The following DNAH8 variants were observed in gnomAD, a reference collection of about 807,000 sequenced individuals.
DNAH8 encodes dynein axonemal heavy chain 8, also known as axonemal beta dynein heavy chain 8.
In DNAH8, 382 loss-of-function variants were observed where a neutral mutation model predicts 562.1. The observed-to-expected ratio is 0.68, with a 90% CI of 0.63 to 0.74. DNAH8 has a LOEUF of 0.74. DNAH8 is among the 30% of genes least tolerant of loss of function. The pLI, the probability that DNAH8 is intolerant of heterozygous loss-of-function variation, is 0.00. For missense variants in DNAH8, 5,203 were observed against 5,620.4 expected (o/e 0.93, Z 2.37); for synonymous variants, 1,881 against 1,919.4 (o/e 0.98, Z 0.52).
chr6:38,783,478 A>C (rs905093536), intron 17 of DNAH8, among the ~76,000 whole-genome samples: 2 of 152,158 alleles, frequency 1.3e-5, no homozygotes, highest in Non-Finnish European at 2.9e-5. Flanking sequence ...TCTCAGTCCC[A>C]TTCTGGAGAG....
At chr6:39,001,228 C>T (rs956010384) in intron 88 of DNAH8, among the ~76,000 whole-genome samples, 4 of 151,906 alleles carry the variant, frequency 2.6e-5, no homozygotes, top group African/African-American at 9.7e-5. Flanking sequence ...CCTACTCTAC[C>T]TTCTACATGG....
At chr6:38,955,130 G>A (rs1373011609) in intron 82 of DNAH8, among the ~76,000 whole-genome samples, 2 of 151,928 alleles carry the variant, frequency 1.3e-5, no homozygotes, top group Non-Finnish European at 2.9e-5. Context: ...ACTAATCCTA[G>A]CCACATTTTG....
At chr6:38,902,313 T>C (rs1056949768) in intron 62 of DNAH8, among the ~76,000 whole-genome samples, 7 of 152,030 alleles carry the variant, frequency 4.6e-5, no homozygotes, top group African/African-American at 1.7e-4. Flanking sequence ...GAGTCCTTAC[T>C]CCCAACCACC....
intron 89 of DNAH8, among the ~76,000 whole-genome samples, chr6:39,011,388 C>T (rs998672318): frequency 6.6e-6 from 1 of 152,212 alleles, no homozygotes; most frequent in African/African-American, 2.4e-5. Flanking sequence ...AGTTCTCTCC[C>T]ACTCCATGTG....
chr6:39,028,269 C>G (rs908386717), intron 92 of DNAH8, among the ~76,000 whole-genome samples: 2 of 152,204 alleles, frequency 1.3e-5, no homozygotes, highest in African/African-American at 4.8e-5. Flanking sequence ...GCTGTCATAA[C>G]AAAGTATCAT....
chr6:38,996,892 T>G (rs535091006), intron 88 of DNAH8, among the ~76,000 whole-genome samples: 2 of 152,156 alleles, frequency 1.3e-5, no homozygotes, highest in East Asian at 3.9e-4. Flanking sequence ...TAAGCGAGCT[T>G]CTCCCAAAAT....
In DNAH8 at chr6:38,808,619, T is replaced by C. The variant is rs1771512070; in HGVS notation, c.3257+903T>C. Among the ~76,000 whole-genome samples, 7 of 152,148 alleles carry C rather than the reference T, an allele frequency of 4.6e-5. No individual in the cohort carries two copies. In the South Asian group the frequency reaches 1.5e-3, roughly 32 times the overall value. On this transcript the variant is annotated intron_variant, in intron 24 of 92. Coordinates refer to ENST00000327475, the MANE Select transcript of DNAH8 (RefSeq NM_001206927.2). ...ATACCCAAATAATTATAAATCATTC[T>C]CCAATAAAGACATATGCACACGTAT...
At chr6:38,893,489 G>C (rs1779476423) in intron 58 of DNAH8, among the ~76,000 whole-genome samples, 1 of 152,152 alleles carries the variant, frequency 6.6e-6, no homozygotes, top group Non-Finnish European at 1.5e-5. Flanking sequence ...CTGCCGTCAT[G>C]GCTGGAGTGT....
At chr6:38,988,925 G>T (rs1764591007) in intron 87 of DNAH8, among the ~76,000 whole-genome samples, 1 of 152,110 alleles carries the variant, frequency 6.6e-6, no homozygotes, top group Non-Finnish European at 1.5e-5. Context: ...TTTGTATTGT[G>T]GTTATTAAGT....
chr6:38,867,980 G>A (rs1338283492), intron 47 of DNAH8, 82 bp from the exon 48 acceptor site: 11 of 1,373,468 alleles, frequency 8.0e-6, no homozygotes, highest in Non-Finnish European at 9.9e-6. Flanking sequence ...TATCAGAATC[G>A]ACCTATATGC....
At chr6:38,862,200 A>G in intron 43 of DNAH8, 80 bp from the exon 44 acceptor site, 2 of 1,312,888 alleles carry the variant, frequency 1.5e-6, no homozygotes, top group South Asian at 1.4e-5. Context: ...GCCCATTCCA[A>G]TCACATTGGA....
intron 91 of DNAH8, among the ~76,000 whole-genome samples, chr6:39,015,238 T>C (rs1465905479): frequency 6.6e-6 from 1 of 152,224 alleles, no homozygotes; most frequent in Non-Finnish European, 1.5e-5. Flanking sequence ...TAGTCACGAA[T>C]GCACATAATT....
intron 1 of DNAH8, among the ~76,000 whole-genome samples, chr6:38,715,638 A>C (rs901745571): frequency 2.1e-4 from 32 of 151,916 alleles, no homozygotes; most frequent in African/African-American, 7.3e-4. Context: ...AAGTGACTTC[A>C]CACCCACTCC....
chr6:38,883,206 A>G lies in DNAH8; in HGVS notation c.8002-116A>G, dbSNP rs1778644061. 2.2e-6 allele frequency: 3 copies of G among 1,355,150 alleles called. No individual in the cohort carries two copies. In the South Asian group the frequency reaches 4.8e-5, roughly 22 times the overall value. The allele number at this position is 1,355,150 out of a possible 1,614,324, so 83.9% of individuals were successfully genotyped here. ...TATTTTGATGGTAGATGCAATTCTA[A>G]AAAGTTATTAAAAATTAGTTGTATT... On this transcript the variant is annotated intron_variant, in intron 54 of 92. Transcript: ENST00000327475.
At chr6:38,875,151 C>A (rs1240844664) in intron 52 of DNAH8, among the ~76,000 whole-genome samples, 1 of 152,152 alleles carries the variant, frequency 6.6e-6, no homozygotes, top group Non-Finnish European at 1.5e-5. Context: ...ACTTTATTTA[C>A]CAAACAGGTG....
chr6:38,929,647 A>C lies in DNAH8; in HGVS notation c.11255A>C (p.Lys3752Thr). ...LDNVLEKNFIKSGTTFKVKVG... is the reference protein window; with the variant it reads ...LDNVLEKNFITSGTTFKVKVG... ...AATGTATTAGAAAAGAATTTTATTA[A>C]ATCTGGCACCACTTTCAAGGTGAGC... Residue 3752 changes from lysine to threonine, a missense_variant, in exon 75 of 93, where the codon AAA becomes ACA. Lys to Thr is a moderately conservative substitution (Grantham distance 78). Transcript: ENST00000327475. 2 of 1,577,676 alleles carry C rather than the reference A, an allele frequency of 1.3e-6. No individual in the cohort carries two copies. The highest frequency in any genetic ancestry group is 8.6e-7 in the Non-Finnish European group (1 of 1,163,830).
chr6:38,963,540 A>AT (rs1762771749), intron 82 of DNAH8, among the ~76,000 whole-genome samples: 1 of 135,262 alleles, frequency 7.4e-6, no homozygotes, highest in African/African-American at 2.8e-5. Context: ...AATTTTTTTT[A>AT]TTTTTAGTAG....
chr6:38,867,964 T>A, intron 47 of DNAH8, 98 bp from the exon 48 acceptor site: 2 of 1,242,878 alleles, frequency 1.6e-6, no homozygotes, highest in South Asian at 3.1e-5. Context: ...AACTATCCCA[T>A]ATAAGTATCA....
intron 87 of DNAH8, among the ~76,000 whole-genome samples, chr6:38,988,665 T>A (rs1764575230): frequency 6.6e-6 from 1 of 152,194 alleles, no homozygotes; most frequent in Non-Finnish European, 1.5e-5. Context: ...ATGACTACAT[T>A]GTGTCCACCC....
Sources: allele counts gnomAD v4.1 joint callset (sites outside exome capture counted in the v4.1 genomes callset), GRCh38; gene constraint gnomAD v4.1.1; transcripts MANE v1.5; gene names NCBI Gene and HGNC (gene_info 2026-07-23, HGNC 2026-07-21).